Variants in AP1G1 observed in about 807,000 individuals in gnomAD.
The protein encoded by AP1G1 is AP-1 complex subunit gamma-1.
AP1G1 carries 7 observed loss-of-function variants against 108.3 expected under a neutral mutation model. The observed-to-expected ratio is 0.06, with a 90% CI of 0.04 to 0.12. AP1G1 has a LOEUF of 0.12. AP1G1 is among the 10% of genes least tolerant of loss of function. The pLI, the probability that AP1G1 is intolerant of heterozygous loss-of-function variation, is 1.00. For missense variants in AP1G1, 756 were observed against 1,010.7 expected (o/e 0.75, Z 3.42); for synonymous variants, 379 against 353.5 (o/e 1.07, Z -0.81).
chr16:71,769,505 A>T, intron 6 of AP1G1, 118 bp downstream of exon 6: 1 of 982,600 alleles, frequency 1.0e-6, no homozygotes, highest in Non-Finnish European at 1.6e-6. Context: ...AGGGCTAGTT[A>T]AATCCCTTAT....
rs201067106 is a variant in AP1G1 at position 71,765,630 on chromosome 16, T to C, written c.643-46A>G. 15 of 1,466,112 alleles carry C rather than the reference T, an allele frequency of 1.0e-5. No individual in the cohort carries two copies. The East Asian group carries it at 2.7e-4, about 27-fold the overall frequency. The allele number at this position is 1,466,112 out of a possible 1,614,324, so 90.8% of individuals were successfully genotyped here. On this transcript the variant is annotated intron_variant, in intron 6 of 22. Coordinates refer to ENST00000299980, the MANE Select transcript of AP1G1 (RefSeq NM_001128.6). The stretch of plus-strand genomic sequence containing the variant: ...TCAAAAAACAGTGAATATTGAAGAA[T>C]GTCTCATGAATAAGCAGGTCCTTTG...
At chr16:71,735,505 T>C (rs1481400210) in intron 21 of AP1G1, among the ~76,000 whole-genome samples, 1 of 151,656 alleles carries the variant, frequency 6.6e-6, no homozygotes, top group African/African-American at 2.4e-5. Flanking sequence ...CTACTAAAAA[T>C]ACAAAAATTA....
intron 6 of AP1G1, among the ~76,000 whole-genome samples, chr16:71,768,215 A>G (rs1329624281): frequency 8.9e-6 from 1 of 112,026 alleles, no homozygotes; most frequent in Non-Finnish European, 1.9e-5. Context: ...AAAAAAAAAA[A>G]GGCCGGGCGC....
intron 2 of AP1G1, among the ~76,000 whole-genome samples, chr16:71,782,288 G>A (rs71386932): frequency 0.23 from 34,537 of 150,228 alleles, 4,604 homozygotes; most frequent in Non-Finnish European, 0.31. Context: ...CTCAGCCTCC[G>A]GAATACCTGG....
At chr16:71,770,580 C>CTCCCACTT (rs2145483794) in intron 5 of AP1G1, among the ~76,000 whole-genome samples, 1 of 152,368 alleles carries the variant, frequency 6.6e-6, no homozygotes, top group South Asian at 2.1e-4. Flanking sequence ...CAGGTACAAG[C>CTCCCACTT]CATCCTCCCA....
At chr16:71,782,216 T>A (rs1186612952) in intron 2 of AP1G1, among the ~76,000 whole-genome samples, 1 of 152,176 alleles carries the variant, frequency 6.6e-6, no homozygotes, top group Non-Finnish European at 1.5e-5. Flanking sequence ...CAGGATGGAG[T>A]GCAGTGGCAC....
rs116825183 is a variant in AP1G1 at position 71,798,120 on chromosome 16, G to T, written c.-3-8638C>A. On this transcript the variant is annotated intron_variant, in intron 1 of 22. Transcript: ENST00000299980. ...GACCTAAAATAAACTTGAACAAACAGACACACACTACAGCAAGGAAAAATT... is the reference window on the plus strand; with the variant it reads ...GACCTAAAATAAACTTGAACAAACATACACACACTACAGCAAGGAAAAATT... Among the ~76,000 whole-genome samples the T allele has an allele frequency of 4.4e-3, 663 of 152,266 alleles. 11 individuals carry two copies. The highest frequency in any genetic ancestry group is 0.015 in the African/African-American group (642 of 41,568).
chr16:71,778,573 C>G (rs1212265926), intron 2 of AP1G1, among the ~76,000 whole-genome samples: 1 of 151,750 alleles, frequency 6.6e-6, no homozygotes, highest in Non-Finnish European at 1.5e-5. Context: ...ATCCCAGCTA[C>G]CCGGGAGGCT....
intron 1 of AP1G1, among the ~76,000 whole-genome samples, chr16:71,791,863 G>A (rs1188152288): frequency 2.0e-5 from 3 of 148,754 alleles, no homozygotes; most frequent in African/African-American, 7.4e-5. Context: ...CTGGGTTCAA[G>A]CACTTCTCCT....
intron 1 of AP1G1, chr16:71,808,347 T>C: frequency 1.2e-6 from 1 of 806,860 alleles, no homozygotes. Context: ...CTGGGAGTTA[T>C]CTGACAGACC....
At chr16:71,782,470 A>ATTG (rs2032058744) in intron 2 of AP1G1, among the ~76,000 whole-genome samples, 1 of 149,686 alleles carries the variant, frequency 6.7e-6, no homozygotes, top group Non-Finnish European at 1.5e-5. Flanking sequence ...GCCTACAATT[A>ATTG]TTATTATTAT....
chr16:71,806,595 A>G (rs1690506811), intron 1 of AP1G1: 4 of 783,832 alleles, frequency 5.1e-6, no homozygotes, highest in African/African-American at 1.9e-5. Flanking sequence ...TGAGTTAACT[A>G]ACATCTATGT....
intron 2 of AP1G1, chr16:71,777,747 G>A (rs967836582): frequency 3.2e-5 from 14 of 442,894 alleles, no homozygotes; most frequent in Admixed American, 1.3e-4. Context: ...TCTTTCTTTC[G>A]CTCTTTCTGG....
chr16:71,751,857 C>T (rs1472063942), intron 13 of AP1G1, among the ~76,000 whole-genome samples: 1 of 152,016 alleles, frequency 6.6e-6, no homozygotes, highest in African/African-American at 2.4e-5. Flanking sequence ...ATCTGCAACA[C>T]AAAGACAGGT....
intron 19 of AP1G1, among the ~76,000 whole-genome samples, chr16:71,741,998 C>A (rs2029892572): frequency 6.6e-6 from 1 of 152,068 alleles, no homozygotes; most frequent in Non-Finnish European, 1.5e-5. Context: ...ACTTAAATTT[C>A]TATATAATGG....
At chr16:71,773,889 A>C (rs1343241149) in intron 3 of AP1G1, among the ~76,000 whole-genome samples, 1 of 142,980 alleles carries the variant, frequency 7.0e-6, no homozygotes, top group Non-Finnish European at 1.5e-5. Flanking sequence ...CAGCCTCTCA[A>C]GTAGCTGGGA....
chr16:71,782,350 G>C (rs2032051713), intron 2 of AP1G1, among the ~76,000 whole-genome samples: 1 of 151,486 alleles, frequency 6.6e-6, no homozygotes, highest in African/African-American at 2.4e-5. Context: ...TTTTAGTAGA[G>C]ATGGGGTTTC....
chr16:71,791,489 T>C (rs1467257613), intron 1 of AP1G1, among the ~76,000 whole-genome samples: 3 of 151,974 alleles, frequency 2.0e-5, no homozygotes, highest in Non-Finnish European at 4.4e-5. Context: ...GTGAAGAATG[T>C]TGTATGTAGA....
intron 6 of AP1G1, among the ~76,000 whole-genome samples, chr16:71,767,398 G>C (rs1286606219): frequency 6.6e-6 from 1 of 152,188 alleles, no homozygotes; most frequent in East Asian, 1.9e-4. Context: ...AAACTTCTAT[G>C]TAAGATTAAG....
Sources: gnomAD v4.1 joint callset for allele counts (sites outside exome capture counted in the v4.1 genomes callset) on GRCh38, gnomAD v4.1.1 for gene constraint, MANE v1.5 for transcripts, NCBI Gene and HGNC (gene_info 2026-07-23, HGNC 2026-07-21) for gene names.